The following LRP1B variants were observed in gnomAD, a reference collection of about 807,000 sequenced individuals.
LRP1B encodes the protein low-density lipoprotein receptor-related protein 1B.
In LRP1B, 217 loss-of-function variants were observed where a neutral mutation model predicts 556.6. The ratio of observed to expected loss-of-function variants is 0.39; its 90% CI spans 0.35 to 0.44. The LOEUF is 0.44. Ranked by LOEUF, LRP1B falls within the 20% of genes least tolerant of loss-of-function variation. The pLI is 1.00. For synonymous variants in LRP1B, 2,047 were observed against 1,865.8 expected, an observed-to-expected ratio of 1.10 and a Z score of -2.50; for missense variants, 5,053 against 5,620.8, an observed-to-expected ratio of 0.90 and a Z score of 3.23.
chr2:141,852,000 T>G (rs1031100272), intron 1 of LRP1B, among the ~76,000 whole-genome samples: 3 of 151,760 alleles, frequency 2.0e-5, no homozygotes, highest in Non-Finnish European at 4.4e-5. Flanking sequence ...CTAATACACT[T>G]GAGGAATTAG....
intron 35 of LRP1B, among the ~76,000 whole-genome samples, chr2:140,765,249 A>T (rs558097721): frequency 6.6e-6 from 1 of 152,292 alleles, no homozygotes; most frequent in South Asian, 2.1e-4. Flanking sequence ...TAAAAGAGAT[A>T]AAAGATGAAA....
intron 16 of LRP1B, 111 bp from the exon 17 acceptor site, chr2:140,989,768 G>A (rs1240225064): frequency 4.1e-6 from 4 of 982,016 alleles, no homozygotes; most frequent in Non-Finnish European, 6.0e-6. Context: ...TACAATAAAT[G>A]TCATAGAGTC....
At chr2:140,747,327 C>T (rs1463765761) in intron 35 of LRP1B, among the ~76,000 whole-genome samples, 1 of 152,152 alleles carries the variant, frequency 6.6e-6, no homozygotes, top group African/African-American at 2.4e-5. Flanking sequence ...GTTAGGATTC[C>T]TTAGGTACTT....
chr2:141,730,324 A>G (rs895828870), intron 2 of LRP1B, among the ~76,000 whole-genome samples: 2 of 152,166 alleles, frequency 1.3e-5, no homozygotes, highest in African/African-American at 4.8e-5. Context: ...CATCATCATT[A>G]CTGATTCAAA....
intron 1 of LRP1B, among the ~76,000 whole-genome samples, chr2:141,815,716 C>G (rs1308343177): frequency 6.6e-6 from 1 of 152,020 alleles, no homozygotes; most frequent in Non-Finnish European, 1.5e-5. Context: ...GCCACCCCAG[C>G]CAGCAGCAGC....
chr2:140,444,441 C>A lies in LRP1B; in HGVS notation c.10183G>T (p.Val3395Phe). ...CATTTGAATTGACCTGACAGGCAGA[C>A]ATGTGTGTCTAGAACATAGAAGGAG... ...NSDELNCDTH[V>F]CLSGQFKCTK... Residue 3395 changes from valine to phenylalanine, a missense_variant, in exon 65 of 91, where the codon GTC becomes TTC. Around this residue, in one of 5 missense-constraint regions of LRP1B, gnomAD observed 262 missense variants for 395.1 expected, o/e 0.66. Coordinates refer to ENST00000389484, the MANE Select transcript of LRP1B (RefSeq NM_018557.3). The A allele has an allele frequency of 1.9e-6, 3 of 1,613,910 alleles. No individual in the cohort carries two copies. Among genetic ancestry groups the A allele is most frequent in the East Asian group, 4.5e-5 (2 of 44,838 alleles).
intron 2 of LRP1B, among the ~76,000 whole-genome samples, chr2:141,777,490 A>T (rs1574348802): frequency 6.6e-6 from 1 of 151,904 alleles, no homozygotes; most frequent in Non-Finnish European, 1.5e-5. Flanking sequence ...GTCTCGGCTC[A>T]CTGCAGCCTC....
At chr2:141,348,701 G>A (rs1216360966) in intron 3 of LRP1B, among the ~76,000 whole-genome samples, 1 of 151,966 alleles carries the variant, frequency 6.6e-6, no homozygotes, top group African/African-American at 2.4e-5. Flanking sequence ...CAGACTTAGT[G>A]GTAATCCATG....
chr2:140,993,625 C>A (rs191955535), intron 16 of LRP1B, among the ~76,000 whole-genome samples: 73 of 152,070 alleles, frequency 4.8e-4, no homozygotes, highest in African/African-American at 1.7e-3. Context: ...ACCTTCTGTA[C>A]CAATAATTTT....
At chr2:140,506,503 C>A (rs776290803) in intron 53 of LRP1B, among the ~76,000 whole-genome samples, 9 of 152,074 alleles carry the variant, frequency 5.9e-5, no homozygotes, top group African/African-American at 2.2e-4. Context: ...CTCAGCCTCC[C>A]GAAGTGCTAG....
intron 1 of LRP1B, among the ~76,000 whole-genome samples, chr2:141,842,998 C>T (rs1697528570): frequency 6.6e-6 from 1 of 151,992 alleles, no homozygotes; most frequent in African/African-American, 2.4e-5. Context: ...GGCTTACCAG[C>T]AACAAATATT....
chr2:140,418,937 G>A (rs1488564895), intron 66 of LRP1B, among the ~76,000 whole-genome samples: 1 of 151,188 alleles, frequency 6.6e-6, no homozygotes, highest in Non-Finnish European at 1.5e-5. Context: ...ACCATTCTTA[G>A]TAACTTCTTA....
chr2:140,756,979 C>A (rs1318003338), intron 35 of LRP1B, among the ~76,000 whole-genome samples: 1 of 151,994 alleles, frequency 6.6e-6, no homozygotes, highest in African/African-American at 2.4e-5. Flanking sequence ...AAGACAAAGA[C>A]CCCAGTAATA....
rs534323884 is a variant in LRP1B, at chr2:140,281,796, C to T, written c.12968-7198G>A. 1.6e-4 allele frequency among the ~76,000 whole-genome samples: 24 copies of T among 151,882 alleles called. No homozygotes were observed. The South Asian group carries it at 5.0e-3, about 32-fold the overall frequency. The stretch of plus-strand genomic sequence containing the variant: ...TGTAACTGAGGAGCCAGTTTCCGTG[C>T]AATTTATATTCCACCTTCACTGTTA... On this transcript the variant is annotated intron_variant, in intron 84 of 90. Transcript: ENST00000389484.
intron 3 of LRP1B, among the ~76,000 whole-genome samples, chr2:141,319,021 C>T (rs920002622): frequency 1.3e-5 from 2 of 151,954 alleles, no homozygotes; most frequent in African/African-American, 2.4e-5. Context: ...TTCCTTGTTA[C>T]CACAACAAGT....
At chr2:140,582,125 A>T (rs912326753) in intron 43 of LRP1B, among the ~76,000 whole-genome samples, 12 of 151,748 alleles carry the variant, frequency 7.9e-5, no homozygotes, top group Admixed American at 2.6e-4. Context: ...AACCATAATT[A>T]AAAAAAAATT....
At chr2:140,870,017 G>T (rs1693076719) in intron 25 of LRP1B, among the ~76,000 whole-genome samples, 1 of 152,052 alleles carries the variant, frequency 6.6e-6, no homozygotes, top group South Asian at 2.1e-4. Flanking sequence ...AAACACAAGG[G>T]AGGGACTCTC....
chr2:140,234,925 A>T (rs1392898924), intron 89 of LRP1B, 41 bp from the exon 90 acceptor site: 2 of 748,984 alleles, frequency 2.7e-6, no homozygotes. Context: ...ATCTAATATT[A>T]TAGAATCACT....
chr2:140,813,061 T>C (rs1221790747), intron 32 of LRP1B, among the ~76,000 whole-genome samples: 1 of 152,164 alleles, frequency 6.6e-6, no homozygotes, highest in Non-Finnish European at 1.5e-5. Flanking sequence ...AGGTTAATTA[T>C]TTGCTCCATG....
Sources: gnomAD v4.1 joint callset for allele counts (sites outside exome capture counted in the v4.1 genomes callset) on GRCh38, gnomAD v4.1.1 for gene constraint, gnomAD v4.1.1 regional missense constraint, MANE v1.5 for transcripts, NCBI Gene and HGNC (gene_info 2026-07-23, HGNC 2026-07-21) for gene names.